Variants in SH3RF3 observed in about 807,000 individuals in gnomAD.
SH3RF3 encodes the protein E3 ubiquitin-protein ligase SH3RF3.
A neutral mutation model predicts 66.3 loss-of-function variants in SH3RF3; 29 were observed. The observed-to-expected ratio is 0.44, with a 90% CI of 0.33 to 0.60. The LOEUF (loss-of-function observed/expected upper bound fraction) is 0.60, where lower values mean the gene tolerates loss of function less well. Among genes scored for constraint, SH3RF3 ranks in the 20% least tolerant of loss-of-function variants. SH3RF3 has a pLI of 0.04. For synonymous variants in SH3RF3, 583 were observed against 532.0 expected, an observed-to-expected ratio of 1.10 and a Z score of -1.32; for missense variants, 1,194 against 1,190.9, an observed-to-expected ratio of 1.00 and a Z score of -0.04.
At chr2:109,187,196 G>A (rs562095574) in intron 1 of SH3RF3, among the ~76,000 whole-genome samples, 86 of 152,284 alleles carry the variant, frequency 5.6e-4, no homozygotes, top group African/African-American at 1.9e-3. Context: ...ATTCCCAAAG[G>A]CATCGGTTTA....
intron 1 of SH3RF3, among the ~76,000 whole-genome samples, chr2:109,252,344 T>A (rs1448848181): frequency 3.3e-5 from 5 of 152,252 alleles, no homozygotes; most frequent in Admixed American, 6.5e-5. Context: ...AAGCCGGGTT[T>A]ATTTTTAGAG....
At chr2:109,426,997 C>G (rs1677042872) in intron 5 of SH3RF3, among the ~76,000 whole-genome samples, 1 of 151,824 alleles carries the variant, frequency 6.6e-6, no homozygotes, top group Admixed American at 6.6e-5. Context: ...TGAGACGAGT[C>G]TCGCTCTGTC....
At chr2:109,440,148 C>T (rs1677521229) in intron 7 of SH3RF3, among the ~76,000 whole-genome samples, 1 of 152,204 alleles carries the variant, frequency 6.6e-6, no homozygotes, top group Admixed American at 6.5e-5. Context: ...TGTGACATGA[C>T]TGAAGCAAAG....
At chr2:109,281,015 C>G (rs139510899) in intron 1 of SH3RF3, among the ~76,000 whole-genome samples, 1 of 152,356 alleles carries the variant, frequency 6.6e-6, no homozygotes, top group Non-Finnish European at 1.5e-5. Context: ...GCCTCACGCT[C>G]CTGACAACTG....
intron 8 of SH3RF3, among the ~76,000 whole-genome samples, chr2:109,463,779 T>C (rs1678267856): frequency 6.6e-6 from 1 of 152,184 alleles, no homozygotes; most frequent in Non-Finnish European, 1.5e-5. Context: ...CCATGGAGAA[T>C]GATGCCTCTG....
At chr2:109,306,592 A>G (rs1346938626) in intron 1 of SH3RF3, among the ~76,000 whole-genome samples, 1 of 152,186 alleles carries the variant, frequency 6.6e-6, no homozygotes. Flanking sequence ...GCAGGAAGCT[A>G]CATGCCATGG....
intron 9 of SH3RF3, among the ~76,000 whole-genome samples, chr2:109,496,693 A>G (rs1452317627): frequency 6.6e-6 from 1 of 152,098 alleles, no homozygotes; most frequent in Non-Finnish European, 1.5e-5. Context: ...CTGATCCATT[A>G]TGTGTGTGGT....
Position 109,195,806 on chromosome 2 carries a change from A to G in SH3RF3, c.573+65693A>G, listed in dbSNP as rs1678484825. Among the ~76,000 whole-genome samples the G allele has an allele frequency of 2.6e-5, 4 of 152,062 alleles. No homozygotes were observed. The South Asian group carries it at 8.3e-4, about 32-fold the overall frequency. On this transcript the variant is annotated intron_variant, in intron 1 of 9. Transcript: ENST00000309415. ...TTGGGCTTCTCAGAATCTCCCCTCT[A>G]CTTTTAAATACCTGCTGATTTGTGT... is the stretch of plus-strand genomic sequence containing the variant.
intron 3 of SH3RF3, among the ~76,000 whole-genome samples, chr2:109,374,120 C>A (rs6731233): frequency 0.019 from 2,923 of 152,316 alleles, 94 homozygotes; most frequent in African/African-American, 0.061. Flanking sequence ...CCCCACACCC[C>A]CTCACAGGTT....
chr2:109,273,072 G>A (rs144105543), intron 1 of SH3RF3, among the ~76,000 whole-genome samples: 8 of 152,338 alleles, frequency 5.3e-5, no homozygotes, highest in Non-Finnish European at 1.0e-4. Flanking sequence ...AATAGAAGTT[G>A]TTTACTGAGT....
At chr2:109,151,597 G>A (rs1050418773) in intron 1 of SH3RF3, among the ~76,000 whole-genome samples, 10 of 152,176 alleles carry the variant, frequency 6.6e-5, no homozygotes, top group African/African-American at 2.2e-4. Flanking sequence ...TTATTAATTT[G>A]CATCCTTTCA....
chr2:109,234,801 G>T (rs181617373), intron 1 of SH3RF3, among the ~76,000 whole-genome samples: 1 of 152,238 alleles, frequency 6.6e-6, no homozygotes, highest in East Asian at 1.9e-4. Flanking sequence ...GACTTCCTGG[G>T]GAAATTCAAC....
chr2:109,226,725 A>G (rs922452707), intron 1 of SH3RF3, among the ~76,000 whole-genome samples: 1 of 152,186 alleles, frequency 6.6e-6, no homozygotes, highest in African/African-American at 2.4e-5. Flanking sequence ...CTCCACGCAG[A>G]AGGCGTGGTG....
chr2:109,324,847 T>C (rs1487962349), intron 1 of SH3RF3, among the ~76,000 whole-genome samples: 1 of 152,182 alleles, frequency 6.6e-6, no homozygotes, highest in African/African-American at 2.4e-5. Context: ...CTCCTTGAGG[T>C]GTGTGCAAGC....
Position 109,270,236 on chromosome 2 carries a change from G to A in SH3RF3, c.574-77438G>A, listed in dbSNP as rs113680753. ...CAAGGAAGATCTGGGGGGTGAGGAT[G>A]CTGGTTAGGCTGGAACACCTGAAGC... is the stretch of plus-strand genomic sequence containing the variant. On this transcript the variant is annotated intron_variant, in intron 1 of 9. Coordinates refer to ENST00000309415, the MANE Select transcript of SH3RF3 (RefSeq NM_001099289.3). 4.8e-3 allele frequency among the ~76,000 whole-genome samples: 732 copies of A among 152,328 alleles called. 11 individuals are homozygous for A. The highest frequency in any genetic ancestry group is 0.017 in the African/African-American group (699 of 41,558).
intron 1 of SH3RF3, among the ~76,000 whole-genome samples, chr2:109,220,537 A>G (rs1173076197): frequency 6.6e-6 from 1 of 152,236 alleles, no homozygotes. Flanking sequence ...TTAGTAAATA[A>G]TGAATATCTG....
intron 1 of SH3RF3, among the ~76,000 whole-genome samples, chr2:109,285,938 C>A (rs78758651): frequency 6.6e-6 from 1 of 152,186 alleles, no homozygotes; most frequent in Admixed American, 6.5e-5. Context: ...CGGTTTTCCT[C>A]TTTTCTGCCC....
At chr2:109,497,438 T>C (rs1679284420) in intron 9 of SH3RF3, among the ~76,000 whole-genome samples, 2 of 152,166 alleles carry the variant, frequency 1.3e-5, no homozygotes, top group African/African-American at 2.4e-5. Context: ...GTAATAATAA[T>C]GGAATGAGAA....
chr2:109,375,721 G>A (rs188214858), intron 3 of SH3RF3, among the ~76,000 whole-genome samples: 1 of 152,220 alleles, frequency 6.6e-6, no homozygotes, highest in Admixed American at 6.5e-5. Context: ...TGAGTGCCGG[G>A]GCTGAGCACC....
Sources: gnomAD v4.1 joint callset for allele counts (sites outside exome capture counted in the v4.1 genomes callset) on GRCh38, gnomAD v4.1.1 for gene constraint, MANE v1.5 for transcripts, NCBI Gene and HGNC (gene_info 2026-07-23, HGNC 2026-07-21) for gene names.